TM4SF20: variants seen among roughly 807,000 people sequenced by gnomAD.
TM4SF20 encodes the protein transmembrane 4 L6 family member 20.
In TM4SF20, 13 loss-of-function variants were observed where a neutral mutation model predicts 15.1. That is an observed-to-expected ratio of 0.86 (90% confidence interval 0.56 to 1.36). TM4SF20 has a LOEUF of 1.36. Ranked by LOEUF, TM4SF20 falls within the 40% of genes most tolerant of loss-of-function variation. TM4SF20 has a pLI of 0.00. For missense variants in TM4SF20, 282 were observed against 268.4 expected (o/e 1.05, Z -0.35); for synonymous variants, 92 against 96.6 (o/e 0.95, Z 0.28).
chr2:227,366,773 ACTGT>A (rs1319719261), intron 2 of TM4SF20, among the ~76,000 whole-genome samples: 1 of 140,252 alleles, frequency 7.1e-6, no homozygotes, highest in Non-Finnish European at 1.5e-5. Context: ...TTGGCTTGTC[ACTGT>A]CTCTGGAAAA....
At chr2:227,366,053 CTGTG>C in intron 3 of TM4SF20, 36 bp downstream of exon 3, 1 of 1,580,500 alleles carries the variant, frequency 6.3e-7, no homozygotes, top group Non-Finnish European at 8.6e-7. Context: ...ACTAGTTCAA[CTGTG>C]TGAGACAGTA....
At position 227,379,171 on chromosome 2, in the gene TM4SF20, C is replaced by G. The variant is rs780771476; in HGVS notation, c.98G>C (p.Ser33Thr). 1 of 1,614,204 alleles carries G rather than the reference C, an allele frequency of 6.2e-7. No individual in the cohort carries two copies. Among genetic ancestry groups the G allele is most frequent in the Admixed American group, 1.7e-5 (1 of 60,024 alleles). The stretch of plus-strand genomic sequence containing the variant: ...AGAAAATTGGTCTTCCTCAACTAAG[C>G]TGACAATTAGAGGTATCGCATTGAG... ...VVLNAIPLIV[S>T]LVEEDQFSQN... The change falls in exon 1 of 4, where the codon AGC becomes ACC. Residue 33 changes from serine to threonine, a missense_variant. Ser to Thr is a moderately conservative substitution (Grantham distance 58, BLOSUM62 1). Transcript: ENST00000304568.
At position 227,362,218 on chromosome 2, in the gene TM4SF20, G is replaced by GT. The variant is rs2106485659; in HGVS notation, c.*1505dup. On this transcript the variant is annotated 3_prime_UTR_variant, in exon 4 of 4. Transcript: ENST00000304568. ...ATGTGATAAATACCCTTGTTATCCT[G>GT]TTTTTTAAAGATTGGCACATATAGA... 1 of 152,208 alleles carries GT rather than the reference G, an allele frequency of 6.6e-6. No homozygotes were observed. The highest frequency in any genetic ancestry group is 2.1e-4 in the South Asian group (1 of 4,816). 9.4% of individuals were successfully genotyped at this position (152,208 alleles called of 1,614,324 possible). A position where few individuals can be genotyped will look rare whatever the true frequency, so the allele number is the denominator to read the frequency against.
chr2:227,364,963 T>G (rs931783885), intron 3 of TM4SF20, among the ~76,000 whole-genome samples: 3 of 152,214 alleles, frequency 2.0e-5, no homozygotes, highest in Non-Finnish European at 4.4e-5. Flanking sequence ...CAGACTGGAG[T>G]GCAGTGGCTT....
At chr2:227,381,507 C>G (rs2076479793), upstream of TM4SF20, 1 of 151,844 alleles carries the variant, frequency 6.6e-6, no homozygotes, top group Non-Finnish European at 1.5e-5. Flanking sequence ...TATAAATTAT[C>G]TCATTCTATA....
In TM4SF20 at chr2:227,363,907, GC is replaced by G; in HGVS notation, c.506del (p.Gly169AlafsTer25). ...KPTSNDTMAS[G>X]WRASSFHFDS... The stretch of plus-strand genomic sequence containing the variant: ...CGAAGTGGAAACTAGATGCTCTCCA[GC>G]CACTCGCCATGGTGTCGTTACTGGT... On this transcript the variant is annotated frameshift_variant, in exon 4 of 4. Coordinates refer to ENST00000304568, the MANE Select transcript of TM4SF20 (RefSeq NM_024795.4). LOFTEE classifies it low-confidence loss of function (END_TRUNC). 1 of 1,614,188 alleles carries G rather than the reference GC, an allele frequency of 6.2e-7. No individual in the cohort carries two copies. Among genetic ancestry groups the G allele is most frequent in the Non-Finnish European group, 8.5e-7 (1 of 1,180,028 alleles).
Position 227,366,192 on chromosome 2 carries a change from C to G in TM4SF20, c.302G>C (p.Cys101Ser), listed in dbSNP as rs755121531. ...GAGAGCCTGGATGGATATCAGCATG[C>G]AATACAGAGCACCAATGACTGTGAT... The part of the protein sequence containing the change: ...SVITVIGALY[C>S]MLISIQALLK... The change falls in exon 3 of 4, where the codon TGC (cysteine) becomes TCC (serine). Residue 101 changes from cysteine to serine, a missense_variant. Cys to Ser is a moderately radical substitution (Grantham distance 112). Transcript: ENST00000304568. The G allele has an allele frequency of 1.2e-6, 2 of 1,613,726 alleles. No homozygotes were observed. The highest frequency in any genetic ancestry group is 1.7e-6 in the Non-Finnish European group (2 of 1,179,818).
rs1575020109 is a variant in TM4SF20 at position 227,362,722 on chromosome 2, CATTATT to C, written c.*996_*1001del. Reference sequence around the variant, plus strand: ...CTTGCATCCCATCCCCAAGATGTCTCATTATTATAGGCAAAATTCCAAAATCCAAAA... The same window carrying C: ...CTTGCATCCCATCCCCAAGATGTCTCATAGGCAAAATTCCAAAATCCAAAA... On this transcript the variant is annotated 3_prime_UTR_variant, in exon 4 of 4. Transcript: ENST00000304568. 1 of 152,152 alleles carries C rather than the reference CATTATT, an allele frequency of 6.6e-6. No individual in the cohort carries two copies. Among genetic ancestry groups the C allele is most frequent in the South Asian group, 2.1e-4 (1 of 4,836 alleles). The allele number at this position is 152,152 out of a possible 1,614,324, so 9.4% of individuals were successfully genotyped here. A position where few individuals can be genotyped will look rare whatever the true frequency, so the allele number is the denominator to read the frequency against.
chr2:227,375,253 A>C (rs1276851262), intron 1 of TM4SF20, among the ~76,000 whole-genome samples: 1 of 152,032 alleles, frequency 6.6e-6, no homozygotes. Context: ...TAAGCTGGGC[A>C]ATAGTGGTGC....
upstream of TM4SF20, chr2:227,379,439 GA>G (rs1355020639): frequency 1.8e-5 from 9 of 502,858 alleles, no homozygotes; most frequent in Non-Finnish European, 3.0e-5. Context: ...GATGGGAAAT[GA>G]GAAAATAATT....
At chr2:227,371,635 C>T (rs911546798) in intron 1 of TM4SF20, among the ~76,000 whole-genome samples, 1 of 152,136 alleles carries the variant, frequency 6.6e-6, no homozygotes, top group Non-Finnish European at 1.5e-5. Context: ...GCCCGATTTC[C>T]CAGAAATTGT....
intron 2 of TM4SF20, among the ~76,000 whole-genome samples, chr2:227,367,616 T>G (rs1388860557): frequency 6.6e-6 from 1 of 152,218 alleles, no homozygotes; most frequent in Non-Finnish European, 1.5e-5. Context: ...GCTTTTCCTT[T>G]TTCTTTGCTG....
chr2:227,372,168 C>A (rs2076424049), intron 1 of TM4SF20, among the ~76,000 whole-genome samples: 1 of 152,146 alleles, frequency 6.6e-6, no homozygotes. Context: ...TTTTCCCGAG[C>A]TCTGGCGAAT....
intron 1 of TM4SF20, among the ~76,000 whole-genome samples, chr2:227,376,997 C>T (rs1301103730): frequency 6.6e-6 from 1 of 152,202 alleles, no homozygotes; most frequent in African/African-American, 2.4e-5. Context: ...CACTTATGTC[C>T]TTCTGTCTGT....
intron 2 of TM4SF20, among the ~76,000 whole-genome samples, chr2:227,368,394 A>G (rs1343006937): frequency 6.9e-6 from 1 of 145,242 alleles, no homozygotes; most frequent in African/African-American, 2.6e-5. Flanking sequence ...TTTGTTTCCC[A>G]GGATAGAGTG....
At chr2:227,364,228 T>C (rs1384995712) in intron 3 of TM4SF20, among the ~76,000 whole-genome samples, 1 of 152,208 alleles carries the variant, frequency 6.6e-6, no homozygotes, top group Non-Finnish European at 1.5e-5. Context: ...AGCATCTCTA[T>C]GGTACATCTT....
intron 3 of TM4SF20, among the ~76,000 whole-genome samples, chr2:227,364,605 T>A (rs1425916505): frequency 1.3e-5 from 2 of 152,206 alleles, no homozygotes; most frequent in African/African-American, 2.4e-5. Context: ...TGGAATGTTC[T>A]TAGGGAGTTT....
In TM4SF20 at chr2:227,368,827, A is replaced by C. The variant is rs1052365484; in HGVS notation, c.249+2088T>G. Among the ~76,000 whole-genome samples the C allele has an allele frequency of 5.9e-5, 9 of 152,382 alleles. No homozygotes were observed. In the East Asian group the frequency reaches 1.5e-3, roughly 26 times the overall value. On this transcript the variant is annotated intron_variant, in intron 2 of 3. Coordinates refer to ENST00000304568, the MANE Select transcript of TM4SF20 (RefSeq NM_024795.4). ...TGGAAAAAGGGAAGAAGCAAAGAAC[A>C]GTTAAAATAGGGGACAAGCCTTGGT... is the stretch of plus-strand genomic sequence containing the variant.
intron 3 of TM4SF20, among the ~76,000 whole-genome samples, chr2:227,364,331 T>G (rs1321025986): frequency 6.6e-6 from 1 of 152,142 alleles, no homozygotes; most frequent in Non-Finnish European, 1.5e-5. Context: ...TTTATTTTAT[T>G]TATTCAGATA....
Sources: allele counts gnomAD v4.1 joint callset (sites outside exome capture counted in the v4.1 genomes callset), GRCh38; gene constraint gnomAD v4.1.1; transcripts MANE v1.5; gene names NCBI Gene and HGNC (gene_info 2026-07-23, HGNC 2026-07-21).